Variants in PAH observed in about 807,000 individuals in gnomAD.
PAH encodes the protein phenylalanine-4-hydroxylase.
In PAH, 64 loss-of-function variants were observed where a neutral mutation model predicts 62.0. The ratio of observed to expected loss-of-function variants is 1.03; its 90% CI spans 0.84 to 1.27. The LOEUF (loss-of-function observed/expected upper bound fraction) is 1.27, where lower values mean the gene tolerates loss of function less well. Ranked by LOEUF, PAH falls within the 50% of genes most tolerant of loss-of-function variation. PAH has a pLI of 0.00. For missense variants in PAH, 579 were observed against 542.8 expected, an observed-to-expected ratio of 1.07 and a Z score of -0.66; for synonymous variants, 195 against 196.2, an observed-to-expected ratio of 0.99 and a Z score of 0.05.
chr12:102,873,347 C>T (rs550163462), intron 4 of PAH, among the ~76,000 whole-genome samples: 2 of 152,364 alleles, frequency 1.3e-5, no homozygotes, highest in South Asian at 4.1e-4. Flanking sequence ...CTCACTCTCT[C>T]TTCTCCCATC....
chr12:102,858,789 C>T (rs1446710249), intron 5 of PAH, among the ~76,000 whole-genome samples: 1 of 152,108 alleles, frequency 6.6e-6, no homozygotes, highest in African/African-American at 2.4e-5. Context: ...AACAAAGACA[C>T]AACATACCAG....
chr12:102,899,156 A>G (rs1260811152), intron 2 of PAH, among the ~76,000 whole-genome samples: 1 of 152,186 alleles, frequency 6.6e-6, no homozygotes, highest in Non-Finnish European at 1.5e-5. Context: ...TCCACCTACT[A>G]TTTACCTAAG....
intron 1 of PAH, chr12:102,913,727 T>C: frequency 2.2e-5 from 15 of 684,778 alleles, no homozygotes; most frequent in Middle Eastern, 2.3e-4. Context: ...TCCATGAAAG[T>C]ACACAAATAA....
Position 102,839,225 on chromosome 12 carries a change from A to C in PAH, c.1316-7T>G. The C allele has an allele frequency of 6.2e-7, 1 of 1,613,736 alleles. No homozygotes were observed. The highest frequency in any genetic ancestry group is 8.5e-7 in the Non-Finnish European group (1 of 1,179,690). ...CAAAGGATTCCAATTTCACCTACAA[A>C]GAAAAACACCATCAAAATGGGCCAC... On this transcript the variant is annotated splice_region_variant and splice_polypyrimidine_tract_variant and intron_variant, in intron 12 of 12. Transcript: ENST00000553106.
chr12:102,917,853 G>T (rs915585506), upstream of PAH, among the ~76,000 whole-genome samples: 3 of 152,200 alleles, frequency 2.0e-5, no homozygotes, highest in African/African-American at 7.2e-5. Context: ...TTGCTGGAAG[G>T]TTTTAAGAAT....
Position 102,870,801 on chromosome 12 carries a change from G to C in PAH, c.442-4138C>G, listed in dbSNP as rs940263908. On this transcript the variant is annotated intron_variant, in intron 4 of 12. Coordinates refer to ENST00000553106, the MANE Select transcript of PAH (RefSeq NM_000277.3). ...CTGCCATTCCCATCCTATAGACATT[G>C]GTCAAGGAGGACTTGCAAACAGTAG... is the stretch of plus-strand genomic sequence containing the variant. Among the ~76,000 whole-genome samples, 30 of 152,256 alleles carry C rather than the reference G, an allele frequency of 2.0e-4. 1 individual carries two copies. Among genetic ancestry groups the C allele is most frequent in the African/African-American group, 7.0e-4 (29 of 41,534 alleles).
intron 1 of PAH, chr12:102,946,650 G>A (rs888013841): frequency 3.3e-5 from 5 of 152,802 alleles, no homozygotes; most frequent in African/African-American, 1.2e-4. Context: ...GATGGGGGAG[G>A]AGTTGCATCA....
chr12:102,953,042 G>C (rs1399166983), upstream of PAH, among the ~76,000 whole-genome samples: 1 of 152,200 alleles, frequency 6.6e-6, no homozygotes, highest in Non-Finnish European at 1.5e-5. Flanking sequence ...GGGTAGGACA[G>C]TGTCTAGCAC....
At chr12:102,920,684 T>C (rs1878528786), upstream of PAH, among the ~76,000 whole-genome samples, 1 of 152,220 alleles carries the variant, frequency 6.6e-6, no homozygotes, top group Non-Finnish European at 1.5e-5. Flanking sequence ...ATGTTTAGCC[T>C]TGAACTTGTA....
intron 5 of PAH, among the ~76,000 whole-genome samples, chr12:102,859,494 T>A (rs1274072337): frequency 1.3e-5 from 2 of 152,226 alleles, no homozygotes; most frequent in Non-Finnish European, 2.9e-5. Context: ...ATCATCCTGA[T>A]ACCAAAGCCT....
At chr12:102,942,157 T>C (rs1879317481) in intron 1 of PAH, among the ~76,000 whole-genome samples, 1 of 152,138 alleles carries the variant, frequency 6.6e-6, no homozygotes, top group South Asian at 2.1e-4. Flanking sequence ...TATGATCCTA[T>C]ACCAAGAAAA....
intron 9 of PAH, among the ~76,000 whole-genome samples, chr12:102,844,958 C>A (rs1197827881): frequency 6.6e-6 from 1 of 152,152 alleles, no homozygotes; most frequent in Non-Finnish European, 1.5e-5. Flanking sequence ...CTGTGTAAGC[C>A]AATTCCCCTA....
intron 5 of PAH, 134 bp downstream of exon 5, chr12:102,866,462 C>T (rs1875965595): frequency 4.0e-6 from 3 of 757,910 alleles, no homozygotes; most frequent in Admixed American, 3.7e-5. Context: ...CACGCATGCA[C>T]ATGAACACAT....
At chr12:102,924,208 A>G (rs1391024688) in intron 1 of PAH, among the ~76,000 whole-genome samples, 2 of 152,218 alleles carry the variant, frequency 1.3e-5, no homozygotes, top group Non-Finnish European at 2.9e-5. Context: ...TTGTTCTTAT[A>G]AATCCTTACA....
chr12:102,931,069 TTAGA>T (rs1878853260), intron 1 of PAH, among the ~76,000 whole-genome samples: 1 of 152,284 alleles, frequency 6.6e-6, no homozygotes, highest in South Asian at 2.1e-4. Flanking sequence ...TAGCGGTTGA[TTAGA>T]TAATTTATTA....
intron 1 of PAH, among the ~76,000 whole-genome samples, chr12:102,937,263 T>G (rs138304204): frequency 2.6e-5 from 4 of 152,342 alleles, no homozygotes; most frequent in African/African-American, 9.6e-5. Context: ...AATGCTATTA[T>G]TAAGTAAGGA....
At chr12:102,918,401 G>A (rs1399010073), upstream of PAH, among the ~76,000 whole-genome samples, 1 of 151,924 alleles carries the variant, frequency 6.6e-6, no homozygotes, top group Admixed American at 6.6e-5. Flanking sequence ...AAAGGTTGCT[G>A]GAAGCCCATC....
At chr12:102,880,562 C>A (rs888815960) in intron 3 of PAH, among the ~76,000 whole-genome samples, 3 of 152,108 alleles carry the variant, frequency 2.0e-5, no homozygotes, top group Non-Finnish European at 2.9e-5. Context: ...TAACTGCTGC[C>A]CCCAGAAATA....
At chr12:102,945,120 T>G (rs993901690) in intron 1 of PAH, 2 of 152,234 alleles carry the variant, frequency 1.3e-5, no homozygotes, top group African/African-American at 4.8e-5. Flanking sequence ...CCCAGATGAA[T>G]AGAGTCTCTC....
Sources: allele counts gnomAD v4.1 joint callset (sites outside exome capture counted in the v4.1 genomes callset), GRCh38; gene constraint gnomAD v4.1.1; transcripts MANE v1.5; gene names NCBI Gene and HGNC (gene_info 2026-07-23, HGNC 2026-07-21).